Variants in TRAT1 observed in about 807,000 individuals in gnomAD.
TRAT1 encodes T cell receptor associated transmembrane adaptor 1.
TRAT1 carries 20 observed loss-of-function variants against 20.0 expected under a neutral mutation model. The ratio of observed to expected loss-of-function variants is 1.00; its 90% CI spans 0.70 to 1.45. The LOEUF (loss-of-function observed/expected upper bound fraction) is 1.45, where lower values mean the gene tolerates loss of function less well. TRAT1 is among the 40% of genes most tolerant of loss of function. The pLI is 0.00. For missense variants in TRAT1, 237 were observed against 224.1 expected, an observed-to-expected ratio of 1.06 and a Z score of -0.37; for synonymous variants, 77 against 74.2, an observed-to-expected ratio of 1.04 and a Z score of -0.20.
rs1464713950 is a variant in TRAT1 at position 108,844,865 on chromosome 3, A to G, written c.153-2203A>G. 4.1e-5 allele frequency among the ~76,000 whole-genome samples: 6 copies of G among 147,066 alleles called. No homozygotes were observed. In the East Asian group the frequency reaches 1.2e-3, roughly 28 times the overall value. On this transcript the variant is annotated intron_variant, in intron 3 of 5. Coordinates refer to ENST00000295756, the MANE Select transcript of TRAT1 (RefSeq NM_016388.4). ...TCTCAAAAAAAAAAAAAAAAAAAAA[A>G]AAAAGAAATACGTGTATATATATAT...
intron 3 of TRAT1, among the ~76,000 whole-genome samples, chr3:108,844,564 G>A (rs1418067046): frequency 6.6e-6 from 1 of 151,490 alleles, no homozygotes; most frequent in African/African-American, 2.4e-5. Flanking sequence ...TATAAATGTG[G>A]CCAGGCACAG....
At chr3:108,834,152 T>C (rs932778719) in intron 2 of TRAT1, among the ~76,000 whole-genome samples, 3 of 152,232 alleles carry the variant, frequency 2.0e-5, no homozygotes, top group Non-Finnish European at 2.9e-5. Flanking sequence ...GTCATGTATG[T>C]CACATTCAGG....
intron 5 of TRAT1, among the ~76,000 whole-genome samples, chr3:108,853,222 A>G (rs1346732493): frequency 1.3e-5 from 2 of 152,160 alleles, no homozygotes; most frequent in African/African-American, 4.8e-5. Flanking sequence ...GACCCTTGTG[A>G]TTTGGTAAAC....
In TRAT1 at chr3:108,849,352, A is replaced by G. The variant is rs546987366; in HGVS notation, c.303+98A>G. ...GAAATAGCCTGTTAGAAATTTTGCA[A>G]TCAATCAGATGTCAAGTTCTGGGAC... On this transcript the variant is annotated intron_variant, in intron 5 of 5. Coordinates refer to ENST00000295756, the MANE Select transcript of TRAT1 (RefSeq NM_016388.4). 106 of 977,348 alleles carry G rather than the reference A, an allele frequency of 1.1e-4. No homozygotes were observed. The East Asian group carries it at 1.7e-3, about 16-fold the overall frequency. The allele number at this position is 977,348 out of a possible 1,614,324, so 60.5% of individuals were successfully genotyped here. A position where few individuals can be genotyped will look rare whatever the true frequency, so the allele number is the denominator to read the frequency against.
At chr3:108,835,165 C>T (rs1945827602) in intron 2 of TRAT1, among the ~76,000 whole-genome samples, 3 of 152,078 alleles carry the variant, frequency 2.0e-5, no homozygotes, top group Admixed American at 1.3e-4. Flanking sequence ...AACTATGTGC[C>T]GTTGTCTATT....
At chr3:108,842,234 C>A (rs1441696154) in intron 3 of TRAT1, among the ~76,000 whole-genome samples, 3 of 152,300 alleles carry the variant, frequency 2.0e-5, no homozygotes, top group South Asian at 2.1e-4. Flanking sequence ...ACTGGAGGTG[C>A]TTTTATCATA....
chr3:108,839,422 A>G, intron 3 of TRAT1: 2 of 153,328 alleles, frequency 1.3e-5, no homozygotes, highest in Non-Finnish European at 2.9e-5. Flanking sequence ...TCACGAGGTC[A>G]GGAGATGGAG....
intron 4 of TRAT1, among the ~76,000 whole-genome samples, chr3:108,848,764 C>T (rs1041150238): frequency 6.6e-6 from 1 of 152,250 alleles, no homozygotes; most frequent in South Asian, 2.1e-4. Flanking sequence ...ATTGTAATCA[C>T]TGATGTATGT....
chr3:108,841,450 C>A (rs1945895953), intron 3 of TRAT1, among the ~76,000 whole-genome samples: 1 of 152,060 alleles, frequency 6.6e-6, no homozygotes. Flanking sequence ...TAAAAACTAT[C>A]TGAATCCATT....
At chr3:108,830,579 A>G in intron 1 of TRAT1, 91 bp from the exon 2 acceptor site, 1 of 822,474 alleles carries the variant, frequency 1.2e-6, no homozygotes, top group South Asian at 1.5e-5. Flanking sequence ...CATTATGAAT[A>G]AATGCAACAG....
chr3:108,851,628 TAA>T (rs33945029), intron 5 of TRAT1, among the ~76,000 whole-genome samples: 77,695 of 146,270 alleles, frequency 0.53, 20,766 homozygotes, highest in East Asian at 0.89. Flanking sequence ...CCTCCAATAT[TAA>T]AAAAAAAAAA....
intron 3 of TRAT1, among the ~76,000 whole-genome samples, chr3:108,843,270 G>A (rs369285510): frequency 6.6e-6 from 1 of 152,086 alleles, no homozygotes; most frequent in Non-Finnish European, 1.5e-5. Context: ...GGTGGCTCAC[G>A]CCTGTAATCT....
In TRAT1 at chr3:108,847,103, A is replaced by G. The variant is rs750618610; in HGVS notation, c.188A>G (p.Tyr63Cys). ...TATTATATTGAAGACACACCAATTT[A>G]TGGTAACTTAGATGATATGATTTCA... is the stretch of plus-strand genomic sequence containing the variant. ...DEYYIEDTPI[Y>C]GNLDDMISEP... is the part of the protein sequence containing the mutation. The change falls in exon 4 of 6, where the codon TAT becomes TGT. Residue 63 changes from tyrosine (Y) to cysteine (C), a missense_variant. Physicochemically the swap from Tyr to Cys is radical, Grantham distance 194. Transcript: ENST00000295756. The G allele has an allele frequency of 3.9e-6, 6 of 1,544,256 alleles. No homozygotes were observed. The South Asian group carries it at 7.0e-5, about 18-fold the overall frequency.
At chr3:108,838,346 TATAGATAGATGATAGA>T (rs1945857622) in intron 2 of TRAT1, among the ~76,000 whole-genome samples, 1 of 143,276 alleles carries the variant, frequency 7.0e-6, no homozygotes, top group African/African-American at 2.8e-5. Context: ...AGATGATAGA[TATAGATAGATGATAGA>T]TAGATAGATA....
chr3:108,847,067 G>T lies in TRAT1; in HGVS notation c.153-1G>T. ...AGGTAAATTATTTTTCCTTGTTATA[G>T]GGTTGATGAGTATTATATTGAAGAC... On this transcript the variant is annotated splice_acceptor_variant, in intron 3 of 5. Coordinates refer to ENST00000295756, the MANE Select transcript of TRAT1 (RefSeq NM_016388.4). LOFTEE classifies it high-confidence loss of function. 6.6e-7 allele frequency: 1 copy of T among 1,505,160 alleles called. No homozygotes were observed. The highest frequency in any genetic ancestry group is 9.2e-7 in the Non-Finnish European group (1 of 1,091,418). The allele number at this position is 1,505,160 out of a possible 1,614,324, so 93.2% of individuals were successfully genotyped here.
chr3:108,836,050 G>T (rs1945837888), intron 2 of TRAT1, among the ~76,000 whole-genome samples: 1 of 152,110 alleles, frequency 6.6e-6, no homozygotes, highest in African/African-American at 2.4e-5. Flanking sequence ...CTCCCGAGTA[G>T]CTGGGACTAC....
intron 2 of TRAT1, among the ~76,000 whole-genome samples, chr3:108,832,762 T>C (rs1945805879): frequency 6.6e-6 from 1 of 152,216 alleles, no homozygotes; most frequent in Non-Finnish European, 1.5e-5. Context: ...TACCTTGAGC[T>C]CAATTGTCTA....
chr3:108,845,144 A>T lies in TRAT1; in HGVS notation c.153-1924A>T, dbSNP rs144705450. 4.4e-3 allele frequency among the ~76,000 whole-genome samples: 672 copies of T among 152,274 alleles called. 6 individuals are homozygous for T. Among genetic ancestry groups the T allele is most frequent in the African/African-American group, 0.015 (640 of 41,552 alleles). The stretch of plus-strand genomic sequence containing the variant: ...CATTTGCTCCTGAGGTTTATTACAC[A>T]TTTACAACAGGCTGGAGCTATTTGG... On this transcript the variant is annotated intron_variant, in intron 3 of 5. Coordinates refer to ENST00000295756, the MANE Select transcript of TRAT1 (RefSeq NM_016388.4).
intron 5 of TRAT1, among the ~76,000 whole-genome samples, chr3:108,850,746 T>C (rs1337973666): frequency 6.6e-6 from 1 of 152,236 alleles, no homozygotes; most frequent in Non-Finnish European, 1.5e-5. Flanking sequence ...TATGATTTGC[T>C]AAATCCATGA....
Sources: allele counts gnomAD v4.1 joint callset (sites outside exome capture counted in the v4.1 genomes callset), GRCh38; gene constraint gnomAD v4.1.1; transcripts MANE v1.5; gene names NCBI Gene and HGNC (gene_info 2026-07-23, HGNC 2026-07-21).